Variants in UBE2R2 observed in about 807,000 individuals in gnomAD.
UBE2R2 encodes the protein ubiquitin conjugating enzyme E2 R2.
In UBE2R2, 1 loss-of-function variant was observed where a neutral mutation model predicts 27.8. The observed-to-expected ratio is 0.04, with a 90% CI of 0.01 to 0.17. The LOEUF is 0.17. Among genes scored for constraint, UBE2R2 ranks in the 10% least tolerant of loss-of-function variants. The pLI, the probability that UBE2R2 is intolerant of heterozygous loss-of-function variation, is 1.00. For missense variants in UBE2R2, 100 were observed against 291.0 expected (o/e 0.34, Z 4.78); for synonymous variants, 106 against 113.3 (o/e 0.94, Z 0.41).
intron 3 of UBE2R2, among the ~76,000 whole-genome samples, chr9:33,906,252 A>G (rs1022479420): frequency 1.3e-5 from 2 of 152,140 alleles, no homozygotes; most frequent in East Asian, 1.9e-4. Flanking sequence ...CCTCCCAAGT[A>G]CTTGGGATTA....
At chr9:33,912,343 G>A (rs1295271943) in intron 4 of UBE2R2, among the ~76,000 whole-genome samples, 1 of 152,048 alleles carries the variant, frequency 6.6e-6, no homozygotes, top group Non-Finnish European at 1.5e-5. Flanking sequence ...TCTAGGTTCT[G>A]GCCAGGCATG....
intron 1 of UBE2R2, among the ~76,000 whole-genome samples, chr9:33,855,917 G>A (rs775293774): frequency 2.0e-5 from 3 of 152,174 alleles, no homozygotes; most frequent in Non-Finnish European, 4.4e-5. Context: ...AAATAGCTGG[G>A]CATGGTGGCA....
chr9:33,820,296 G>A (rs1031572913), intron 1 of UBE2R2, among the ~76,000 whole-genome samples: 1 of 152,200 alleles, frequency 6.6e-6, no homozygotes, highest in Non-Finnish European at 1.5e-5. Flanking sequence ...TTAAAAGAAT[G>A]ATTTAATCTC....
rs982855462 is a variant in UBE2R2, at chr9:33,817,646, G to T, written c.-112G>T. ...GCCCGCCGGGTGTGTGAAGACCGGG[G>T]CCCGGTGCTGCCCGGCCGGAGGGCG... On this transcript the variant is annotated 5_prime_UTR_variant, in exon 1 of 5. Transcript: ENST00000263228. 184 of 1,126,134 alleles carry T rather than the reference G, an allele frequency of 1.6e-4. No individual in the cohort carries two copies. The highest frequency in any genetic ancestry group is 1.8e-4 in the Non-Finnish European group (168 of 921,824). The allele number at this position is 1,126,134 out of a possible 1,614,324, so 69.8% of individuals were successfully genotyped here. A position where few individuals can be genotyped will look rare whatever the true frequency, so the allele number is the denominator to read the frequency against.
At chr9:33,897,763 CTTTTCTT>C (rs1422272216) in intron 2 of UBE2R2, among the ~76,000 whole-genome samples, 15 of 147,462 alleles carry the variant, frequency 1.0e-4, no homozygotes, top group Non-Finnish European at 1.8e-4. Flanking sequence ...CCAAGTTTCT[CTTTTCTT>C]TTTTCTTTTT....
intron 1 of UBE2R2, among the ~76,000 whole-genome samples, chr9:33,878,887 G>A (rs912289618): frequency 1.3e-5 from 2 of 152,100 alleles, no homozygotes; most frequent in African/African-American, 4.8e-5. Context: ...TGTCCTGGAC[G>A]ATGAAGAAAG....
intron 2 of UBE2R2, among the ~76,000 whole-genome samples, chr9:33,895,775 T>C (rs1822090823): frequency 7.1e-6 from 1 of 141,608 alleles, no homozygotes; most frequent in African/African-American, 2.6e-5. Flanking sequence ...TCTCTTTTTT[T>C]TTTTTTTTTT....
At position 33,917,239 on chromosome 9, in the gene UBE2R2, G is replaced by GT; in HGVS notation, c.*3dup. ...GATTCTGGGAATGAGGAGTCGTGAC[G>GT]TGCTCCTTCAGTGCCCCTGTACTGC... is the stretch of plus-strand genomic sequence containing the variant. On this transcript the variant is annotated 3_prime_UTR_variant, in exon 5 of 5. Coordinates refer to ENST00000263228, the MANE Select transcript of UBE2R2 (RefSeq NM_017811.4). 1.2e-6 allele frequency: 2 copies of GT among 1,613,952 alleles called. No individual in the cohort carries two copies. The highest frequency in any genetic ancestry group is 2.2e-5 in the South Asian group (2 of 91,078).
At chr9:33,892,555 A>C (rs1202705028) in intron 2 of UBE2R2, among the ~76,000 whole-genome samples, 4 of 152,144 alleles carry the variant, frequency 2.6e-5, no homozygotes, top group African/African-American at 9.7e-5. Context: ...AGGTTTATCT[A>C]TATGGTACAT....
chr9:33,867,793 C>T (rs1328571137), intron 1 of UBE2R2, among the ~76,000 whole-genome samples: 15 of 152,204 alleles, frequency 9.9e-5, no homozygotes, highest in Admixed American at 9.2e-4. Flanking sequence ...GTGGTATGCG[C>T]CTGTACTCCC....
chr9:33,851,801 TCTC>T (rs1242517344), intron 1 of UBE2R2, among the ~76,000 whole-genome samples: 4 of 152,126 alleles, frequency 2.6e-5, no homozygotes, highest in African/African-American at 7.2e-5. Flanking sequence ...AATGGACTCA[TCTC>T]CTATTTCATT....
intron 3 of UBE2R2, among the ~76,000 whole-genome samples, chr9:33,901,905 C>T (rs7032777): frequency 0.41 from 61,048 of 149,852 alleles, 12,741 homozygotes; most frequent in African/African-American, 0.48. Context: ...GTTTTTTTCT[C>T]ATATTTCTTT....
At chr9:33,857,414 G>A (rs1441171185) in intron 1 of UBE2R2, among the ~76,000 whole-genome samples, 1 of 151,984 alleles carries the variant, frequency 6.6e-6, no homozygotes, top group African/African-American at 2.4e-5. Context: ...CACCTCCCAG[G>A]TTCAGGCTGT....
chr9:33,826,515 G>A (rs10971717), intron 1 of UBE2R2, among the ~76,000 whole-genome samples: 12,009 of 151,970 alleles, frequency 0.079, 684 homozygotes, highest in Non-Finnish European at 0.12. Flanking sequence ...TGGCTAACAC[G>A]GTCAAACCCC....
At chr9:33,818,869 G>A (rs1715488040) in intron 1 of UBE2R2, 1 of 152,104 alleles carries the variant, frequency 6.6e-6, no homozygotes, top group Non-Finnish European at 1.5e-5. Context: ...TGGGATGTAT[G>A]GTTCCTTAGC....
intron 1 of UBE2R2, among the ~76,000 whole-genome samples, chr9:33,827,323 G>C (rs1320508731): frequency 6.6e-6 from 1 of 152,006 alleles, no homozygotes; most frequent in Non-Finnish European, 1.5e-5. Context: ...GCAAGACTCA[G>C]TCTCAAAAAT....
chr9:33,847,009 TGAA>T (rs1820860702), intron 1 of UBE2R2, among the ~76,000 whole-genome samples: 1 of 151,060 alleles, frequency 6.6e-6, no homozygotes, highest in Non-Finnish European at 1.5e-5. Flanking sequence ...TTTTTTTTTT[TGAA>T]GGTTTTTTTT....
chr9:33,870,457 G>C (rs567588349), intron 1 of UBE2R2, among the ~76,000 whole-genome samples: 1 of 152,160 alleles, frequency 6.6e-6, no homozygotes, highest in South Asian at 2.1e-4. Context: ...TTTTTATAAT[G>C]TACTATGTTT....
At chr9:33,902,770 ATC>A (rs1231166091) in intron 3 of UBE2R2, among the ~76,000 whole-genome samples, 1 of 152,216 alleles carries the variant, frequency 6.6e-6, no homozygotes, top group Non-Finnish European at 1.5e-5. Context: ...TACATGAATT[ATC>A]TCGATAGACT....
Sources: allele counts gnomAD v4.1 joint callset (sites outside exome capture counted in the v4.1 genomes callset), GRCh38; gene constraint gnomAD v4.1.1; transcripts MANE v1.5; gene names NCBI Gene and HGNC (gene_info 2026-07-23, HGNC 2026-07-21).